Variants in FNDC3B observed in about 807,000 individuals in gnomAD.
FNDC3B encodes the protein fibronectin type III domain-containing protein 3B.
A neutral mutation model predicts 151.5 loss-of-function variants in FNDC3B; 12 were observed. That is an observed-to-expected ratio of 0.08 (90% CI 0.05 to 0.13). The LOEUF is 0.13. Among genes scored for constraint, FNDC3B ranks in the 10% least tolerant of loss-of-function variants. The pLI, the probability that FNDC3B is intolerant of heterozygous loss-of-function variation, is 1.00. For synonymous variants in FNDC3B, 528 were observed against 549.0 expected, an observed-to-expected ratio of 0.96 and a Z score of 0.54; for missense variants, 1,214 against 1,505.3, an observed-to-expected ratio of 0.81 and a Z score of 3.20.
At chr3:172,042,249 G>T in intron 1 of FNDC3B, among the ~76,000 whole-genome samples, 1 of 152,220 alleles carries the variant, frequency 6.6e-6, no homozygotes, top group East Asian at 1.9e-4. Flanking sequence ...CAGACGATGG[G>T]TTATATTGGA....
chr3:172,097,908 TTTA>T (rs1187426228), intron 1 of FNDC3B, among the ~76,000 whole-genome samples: 1 of 152,234 alleles, frequency 6.6e-6, no homozygotes, highest in Non-Finnish European at 1.5e-5. Flanking sequence ...TGTGATATTC[TTTA>T]TTATTATACC....
At chr3:172,351,088 T>TA (rs1733830350) in intron 21 of FNDC3B, among the ~76,000 whole-genome samples, 1 of 152,230 alleles carries the variant, frequency 6.6e-6, no homozygotes, top group African/African-American at 2.4e-5. Context: ...ACTTTGCCCT[T>TA]ATGTAACTTG....
chr3:172,285,387 C>G (rs548232677), intron 6 of FNDC3B, among the ~76,000 whole-genome samples: 1 of 152,370 alleles, frequency 6.6e-6, no homozygotes, highest in African/African-American at 2.4e-5. Flanking sequence ...ACAAACACAT[C>G]TTTTCAAGCT....
chr3:172,093,170 A>G (rs896774592), intron 1 of FNDC3B, among the ~76,000 whole-genome samples: 2 of 151,632 alleles, frequency 1.3e-5, no homozygotes, highest in African/African-American at 4.9e-5. Flanking sequence ...GGTGAAGTGC[A>G]GGGGCATAAT....
chr3:172,090,751 T>G (rs954256761), intron 1 of FNDC3B, among the ~76,000 whole-genome samples: 7 of 152,224 alleles, frequency 4.6e-5, no homozygotes, highest in African/African-American at 1.7e-4. Flanking sequence ...TGAAACTTTT[T>G]GAGTGCCAAC....
At chr3:172,299,904 A>G (rs1418183143) in intron 9 of FNDC3B, among the ~76,000 whole-genome samples, 1 of 152,244 alleles carries the variant, frequency 6.6e-6, no homozygotes, top group East Asian at 1.9e-4. Context: ...AAAAGGTAGT[A>G]AAGCAAGGAT....
intron 1 of FNDC3B, among the ~76,000 whole-genome samples, chr3:172,075,358 G>T (rs144402682): frequency 6.6e-6 from 1 of 152,084 alleles, no homozygotes; most frequent in Non-Finnish European, 1.5e-5. Flanking sequence ...GCCTCTGCCC[G>T]CCAGTTTGGT....
intron 3 of FNDC3B, among the ~76,000 whole-genome samples, chr3:172,192,145 C>G (rs180961597): frequency 6.6e-6 from 1 of 150,530 alleles, no homozygotes; most frequent in Admixed American, 6.6e-5. Flanking sequence ...ACCAAATACA[C>G]AGAAGACTGT....
At chr3:172,112,397 A>G in intron 1 of FNDC3B, 55 bp from the exon 2 acceptor site, 1 of 861,942 alleles carries the variant, frequency 1.2e-6, no homozygotes, top group South Asian at 1.3e-5. Context: ...TTGTTGTGTT[A>G]CAGGTGATTT....
At chr3:172,296,121 G>A (rs1393393547) in intron 8 of FNDC3B, among the ~76,000 whole-genome samples, 1 of 152,164 alleles carries the variant, frequency 6.6e-6, no homozygotes, top group East Asian at 1.9e-4. Context: ...TTAGGGCCAC[G>A]TCTTTCTTCT....
intron 11 of FNDC3B, among the ~76,000 whole-genome samples, chr3:172,324,049 T>G (rs566774230): frequency 1.2e-4 from 18 of 152,238 alleles, no homozygotes; most frequent in African/African-American, 4.3e-4. Flanking sequence ...AGGTGAACTC[T>G]GTGGTAAGAG....
At chr3:172,391,840 C>T (rs1736022690) in intron 25 of FNDC3B, among the ~76,000 whole-genome samples, 1 of 152,214 alleles carries the variant, frequency 6.6e-6, no homozygotes, top group African/African-American at 2.4e-5. Flanking sequence ...TCATCCCCTT[C>T]ATGAACGGTT....
chr3:172,057,868 G>A (rs1048505403), intron 1 of FNDC3B, among the ~76,000 whole-genome samples: 1 of 151,424 alleles, frequency 6.6e-6, no homozygotes, highest in Admixed American at 6.6e-5. Context: ...AGTGGCCCCT[G>A]GCTGGAAATG....
At chr3:172,079,195 A>G (rs1718164898) in intron 1 of FNDC3B, among the ~76,000 whole-genome samples, 1 of 152,182 alleles carries the variant, frequency 6.6e-6, no homozygotes, top group Admixed American at 6.5e-5. Context: ...TCATTACTGT[A>G]AAAGTTTAAC....
chr3:172,242,346 C>T (rs190343334), intron 4 of FNDC3B, among the ~76,000 whole-genome samples: 3 of 152,258 alleles, frequency 2.0e-5, no homozygotes, highest in Admixed American at 1.3e-4. Context: ...GCTCTGACCC[C>T]ACATTTCCCT....
intron 3 of FNDC3B, among the ~76,000 whole-genome samples, chr3:172,197,171 ACT>A (rs1487134671): frequency 6.6e-6 from 1 of 152,174 alleles, no homozygotes; most frequent in South Asian, 2.1e-4. Flanking sequence ...ACAGAGTGAG[ACT>A]CTGTCTCAAA....
intron 1 of FNDC3B, among the ~76,000 whole-genome samples, chr3:172,063,362 G>A (rs1471888053): frequency 3.3e-5 from 5 of 152,096 alleles, no homozygotes; most frequent in Non-Finnish European, 7.4e-5. Context: ...CCTCCCAACA[G>A]TTTTCTTTGA....
intron 1 of FNDC3B, among the ~76,000 whole-genome samples, chr3:172,086,501 A>C (rs1261687863): frequency 6.6e-6 from 1 of 152,226 alleles, no homozygotes; most frequent in Admixed American, 6.5e-5. Flanking sequence ...TGGATAAATT[A>C]GATTGTACAA....
chr3:172,201,225 G>A (rs941910937), intron 3 of FNDC3B, among the ~76,000 whole-genome samples: 2 of 152,182 alleles, frequency 1.3e-5, no homozygotes, highest in Non-Finnish European at 2.9e-5. Context: ...GAATGGCTGG[G>A]TTCTGGCATG....
Sources: gnomAD v4.1 joint callset for allele counts (sites outside exome capture counted in the v4.1 genomes callset) on GRCh38, gnomAD v4.1.1 for gene constraint, MANE v1.5 for transcripts, NCBI Gene and HGNC (gene_info 2026-07-23, HGNC 2026-07-21) for gene names.